The following ZNF710 variants were observed in gnomAD, a reference collection of about 807,000 sequenced individuals.
ZNF710 encodes the protein zinc finger protein 710.
A neutral mutation model predicts 50.6 loss-of-function variants in ZNF710; 13 were observed. That is an observed-to-expected ratio of 0.26 (90% CI 0.17 to 0.41). The LOEUF is 0.41. Among genes scored for constraint, ZNF710 ranks in the 10% least tolerant of loss-of-function variants. The pLI, the probability that ZNF710 is intolerant of heterozygous loss-of-function variation, is 1.00. For synonymous variants in ZNF710, 383 were observed against 397.0 expected, an observed-to-expected ratio of 0.96 and a Z score of 0.42; for missense variants, 721 against 936.6, an observed-to-expected ratio of 0.77 and a Z score of 3.01.
intron 1 of ZNF710, among the ~76,000 whole-genome samples, chr15:90,061,945 C>T (rs897966253): frequency 2.0e-4 from 30 of 152,064 alleles, no homozygotes; most frequent in African/African-American, 6.5e-4. Context: ...GAGGAGACGG[C>T]GTCCCTGCTT....
chr15:90,060,849 C>T (rs1899985081), intron 1 of ZNF710, among the ~76,000 whole-genome samples: 1 of 152,124 alleles, frequency 6.6e-6, no homozygotes, highest in Non-Finnish European at 1.5e-5. Context: ...GAGCAAGACA[C>T]TGTCTCAAAA....
At chr15:90,076,799 C>T (rs1041295052) in intron 4 of ZNF710, among the ~76,000 whole-genome samples, 1 of 151,690 alleles carries the variant, frequency 6.6e-6, no homozygotes, top group Non-Finnish European at 1.5e-5. Context: ...CCAGAAATCG[C>T]CCCACCCCCA....
rs192224646 is a variant in ZNF710, at chr15:90,045,188, C to T, written c.-28-21922C>T. 1.7e-3 allele frequency among the ~76,000 whole-genome samples: 253 copies of T among 152,254 alleles called. 1 individual carries two copies. Among genetic ancestry groups the T allele is most frequent in the African/African-American group, 5.7e-3 (237 of 41,536 alleles). Reference sequence around the variant, plus strand: ...TACTGTGGCTGCTGGAGGGCGGAGACTGTTGTCTTCATCTCTCTAGCTCCT... The same window carrying T: ...TACTGTGGCTGCTGGAGGGCGGAGATTGTTGTCTTCATCTCTCTAGCTCCT... On this transcript the variant is annotated intron_variant, in intron 1 of 4. Coordinates refer to ENST00000268154, the MANE Select transcript of ZNF710 (RefSeq NM_198526.4).
chr15:90,017,907 C>A (rs974790338), intron 1 of ZNF710, among the ~76,000 whole-genome samples: 4 of 152,090 alleles, frequency 2.6e-5, no homozygotes, highest in African/African-American at 4.8e-5. Context: ...TTTCCTGGTG[C>A]TTGAATAATT....
At chr15:90,036,025 G>A (rs1237355471) in intron 1 of ZNF710, among the ~76,000 whole-genome samples, 4 of 152,142 alleles carry the variant, frequency 2.6e-5, no homozygotes, top group Non-Finnish European at 4.4e-5. Context: ...TTTGGTAGAA[G>A]AGCTGCTTGG....
In ZNF710 at chr15:90,080,808, A is replaced by T. The variant is rs1423027255; in HGVS notation, c.*979A>T. ...CAACGTATTTTAAAAAGGAAAGTAA[A>T]GCCCACAGAGGGAAATCAAGGGTTT... On this transcript the variant is annotated 3_prime_UTR_variant, in exon 5 of 5. Coordinates refer to ENST00000268154, the MANE Select transcript of ZNF710 (RefSeq NM_198526.4). 1.3e-5 allele frequency: 2 copies of T among 152,258 alleles called. No homozygotes were observed. The highest frequency in any genetic ancestry group is 4.8e-5 in the African/African-American group (2 of 41,460). The allele number at this position is 152,258 out of a possible 1,614,324, so 9.4% of individuals were successfully genotyped here.
intron 1 of ZNF710, among the ~76,000 whole-genome samples, chr15:90,023,842 C>CA (rs1010058406): frequency 5.3e-5 from 8 of 152,064 alleles, no homozygotes; most frequent in Admixed American, 3.3e-4. Flanking sequence ...ACCAAAAATA[C>CA]AAAAAAATTA....
chr15:90,065,226 C>G (rs898853357), intron 1 of ZNF710, among the ~76,000 whole-genome samples: 1 of 152,138 alleles, frequency 6.6e-6, no homozygotes, highest in African/African-American at 2.4e-5. Flanking sequence ...CTCCGCTGGG[C>G]GCTGGGGGGA....
At chr15:90,069,250 A>T (rs1007893287) in intron 2 of ZNF710, among the ~76,000 whole-genome samples, 4 of 147,858 alleles carry the variant, frequency 2.7e-5, no homozygotes, top group African/African-American at 1.0e-4. Context: ...AAAAAAAAAA[A>T]TTTAAACATT....
At position 90,067,842 on chromosome 15, in the gene ZNF710, G is replaced by A. The variant is rs1900235643; in HGVS notation, c.705G>A (p.Glu235=). Residue 235 remains glutamate (E), a synonymous_variant, in exon 2 of 5, where the codon GAG becomes GAA. Transcript: ENST00000268154. This position sits in a 1 kb window ranked among gnomAD's most constrained non-coding sequence, Gnocchi z 8.1. ...GTGACCCCGAGGCCCCCAGCATGGAGTCCCCGGAGCCTGTCAAGCCGGAAC... is the reference window on the plus strand; with the variant it reads ...GTGACCCCGAGGCCCCCAGCATGGAATCCCCGGAGCCTGTCAAGCCGGAAC... ...PLSDPEAPSM[E]SPEPVKPEQG... is the part of the protein sequence containing the mutation. The A allele has an allele frequency of 1.3e-6, 2 of 1,594,896 alleles. No individual in the cohort carries two copies.
At chr15:90,051,322 C>G (rs547328405) in intron 1 of ZNF710, among the ~76,000 whole-genome samples, 11 of 151,760 alleles carry the variant, frequency 7.2e-5, no homozygotes, top group African/African-American at 2.7e-4. Flanking sequence ...CATCATTTCC[C>G]TTATCTCCTT....
intron 1 of ZNF710, among the ~76,000 whole-genome samples, chr15:90,030,445 C>T (rs1185786389): frequency 2.0e-5 from 3 of 151,458 alleles, no homozygotes; most frequent in South Asian, 4.2e-4. Context: ...TTGGTTTTGC[C>T]AAGAACTTGA....
intron 1 of ZNF710, among the ~76,000 whole-genome samples, chr15:90,055,179 C>T (rs542612791): frequency 6.6e-6 from 1 of 151,954 alleles, no homozygotes; most frequent in East Asian, 1.9e-4. Context: ...CAATAAGGTC[C>T]AGGAAGGAAA....
intron 2 of ZNF710, among the ~76,000 whole-genome samples, chr15:90,072,665 C>G (rs1247743090): frequency 6.6e-6 from 1 of 152,106 alleles, no homozygotes; most frequent in East Asian, 1.9e-4. Context: ...GTCTTCTTGG[C>G]GACAGACCCC....
At chr15:90,010,331 C>T (rs781108524) in intron 1 of ZNF710, among the ~76,000 whole-genome samples, 12 of 152,194 alleles carry the variant, frequency 7.9e-5, no homozygotes, top group Non-Finnish European at 1.8e-4. Flanking sequence ...ACTCTGTCAC[C>T]TCGGCTGGAG....
chr15:90,054,491 C>T (rs775930519), intron 1 of ZNF710, among the ~76,000 whole-genome samples: 1 of 152,094 alleles, frequency 6.6e-6, no homozygotes, highest in Non-Finnish European at 1.5e-5. Flanking sequence ...GGGTCTCGGC[C>T]CTGGGCCCAC....
At chr15:90,004,586 A>G (rs1898092582) in intron 1 of ZNF710, among the ~76,000 whole-genome samples, 1 of 152,230 alleles carries the variant, frequency 6.6e-6, no homozygotes, top group Non-Finnish European at 1.5e-5. Context: ...CAAAGCTGGA[A>G]GAAGGCCTTA....
At chr15:90,054,455 C>A (rs571352021) in intron 1 of ZNF710, among the ~76,000 whole-genome samples, 3 of 152,280 alleles carry the variant, frequency 2.0e-5, no homozygotes, top group African/African-American at 7.2e-5. Flanking sequence ...GAAAGCCCAT[C>A]CCTGAGAGCT....
rs747818425 is a variant in ZNF710 at position 90,067,658 on chromosome 15, T to A, written c.521T>A (p.Leu174Gln). The A allele has an allele frequency of 3.1e-6, 5 of 1,612,914 alleles. No homozygotes were observed. The change falls in exon 2 of 5, where the codon CTG (leucine) becomes CAG (glutamine). Residue 174 changes from leucine to glutamine, a missense_variant. This residue lies in a region of ZNF710 where 326 missense variants were observed against 347.1 expected (regional missense o/e 0.94). Transcript: ENST00000268154. This position sits in a 1 kb window ranked among gnomAD's most constrained non-coding sequence, Gnocchi z 8.1. ...FSRKPRTLRH[L>Q]PRTPRPELNV... is the part of the protein sequence containing the mutation. ...CGCAAGCCCCGGACGCTCCGGCATC[T>A]GCCCCGAACCCCGAGGCCGGAGCTG...
Sources: gnomAD v4.1 joint callset for allele counts (sites outside exome capture counted in the v4.1 genomes callset) on GRCh38, gnomAD v4.1.1 for gene constraint, gnomAD v4.1.1 regional missense constraint, Gnocchi (gnomAD v3.1) non-coding constraint, MANE v1.5 for transcripts, NCBI Gene and HGNC (gene_info 2026-07-23, HGNC 2026-07-21) for gene names.